ELOVL2: variants seen among roughly 807,000 people sequenced by gnomAD.
The protein encoded by ELOVL2 is ELOVL fatty acid elongase 2.
Under a neutral mutation model 37.7 loss-of-function variants are expected in ELOVL2, and 38 were observed. That is an observed-to-expected ratio of 1.01 (90% CI 0.78 to 1.32). The LOEUF (loss-of-function observed/expected upper bound fraction) is 1.32, where lower values mean the gene tolerates loss of function less well. Among genes scored for constraint, ELOVL2 ranks in the 40% most tolerant of loss-of-function variants. ELOVL2 has a pLI of 0.00. For missense variants in ELOVL2, 352 were observed against 363.6 expected, an observed-to-expected ratio of 0.97 and a Z score of 0.26; for synonymous variants, 115 against 122.3, an observed-to-expected ratio of 0.94 and a Z score of 0.40.
At chr6:11,022,658 A>T (rs896125001) in intron 1 of ELOVL2, among the ~76,000 whole-genome samples, 2 of 152,230 alleles carry the variant, frequency 1.3e-5, no homozygotes, top group Non-Finnish European at 2.9e-5. Context: ...GTGCTTGGTT[A>T]TCAGATATAA....
intron 7 of ELOVL2, among the ~76,000 whole-genome samples, chr6:10,988,016 C>T (rs1049615854): frequency 2.6e-4 from 39 of 152,120 alleles, no homozygotes; most frequent in African/African-American, 9.4e-4. Context: ...CCTACTCTTG[C>T]TGGGCTATAC....
chr6:10,995,074 A>C lies in ELOVL2; in HGVS notation c.438T>G (p.His146Gln), dbSNP rs377540194. 6.2e-7 allele frequency: 1 copy of C among 1,613,434 alleles called. No homozygotes were observed. The highest frequency in any genetic ancestry group is 1.3e-5 in the African/African-American group (1 of 74,946). Residue 146 changes from histidine to glutamine, a missense_variant, in exon 5 of 8, where the codon CAT becomes CAG. Transcript: ENST00000354666. ...RKKTSQITFL[H>Q]VYHHASMFNI... ...TAAACATAGAAGCATGATGATATAC[A>C]TGAAGAAAAGTAATCTGACTCGTTT...
intron 5 of ELOVL2, among the ~76,000 whole-genome samples, chr6:10,990,667 G>GCCCCCCCCCCC (rs372558428): frequency 1.4e-5 from 2 of 143,008 alleles, no homozygotes; most frequent in African/African-American, 5.2e-5. Context: ...TTTTCAGAAT[G>GCCCCCCCCCCC]CCCCCCCCCC....
chr6:10,998,814 C>G (rs922017170), intron 4 of ELOVL2, among the ~76,000 whole-genome samples: 1 of 152,144 alleles, frequency 6.6e-6, no homozygotes, highest in African/African-American at 2.4e-5. Context: ...GCTCGTTGTA[C>G]TGGGTTGTCA....
intron 1 of ELOVL2, among the ~76,000 whole-genome samples, chr6:11,031,961 T>G (rs984161449): frequency 6.6e-6 from 1 of 152,186 alleles, no homozygotes; most frequent in Non-Finnish European, 1.5e-5. Flanking sequence ...AGTTCCCATA[T>G]CTGCACCAGA....
chr6:11,014,755 A>G (rs1035114753), intron 1 of ELOVL2, among the ~76,000 whole-genome samples: 1 of 152,232 alleles, frequency 6.6e-6, no homozygotes. Flanking sequence ...GTTTGTGTTT[A>G]TGTTATCTGA....
chr6:11,023,354 GTGGTATCCTT>G, intron 1 of ELOVL2, among the ~76,000 whole-genome samples: 1 of 152,354 alleles, frequency 6.6e-6, no homozygotes, highest in East Asian at 1.9e-4. Flanking sequence ...GCATGTACAA[GTGGTATCCTT>G]TTGAATATGA....
chr6:10,986,465 G>GT (rs1229174118), intron 7 of ELOVL2, among the ~76,000 whole-genome samples: 1 of 151,944 alleles, frequency 6.6e-6, no homozygotes, highest in Non-Finnish European at 1.5e-5. Flanking sequence ...TGCCCATTCA[G>GT]TATGATATTG....
At chr6:10,990,669 C>A (rs944428042) in intron 5 of ELOVL2, among the ~76,000 whole-genome samples, 2 of 121,804 alleles carry the variant, frequency 1.6e-5, no homozygotes, top group African/African-American at 6.4e-5. Context: ...TTCAGAATGC[C>A]CCCCCCCCGC....
At chr6:11,043,937 G>A (rs1783160938) in intron 1 of ELOVL2, 1 of 290,096 alleles carries the variant, frequency 3.4e-6, no homozygotes, top group Non-Finnish European at 6.4e-6. Context: ...TGCAACAGGG[G>A]ACTGGGCGCG....
In ELOVL2 at chr6:10,994,239, G is replaced by C. The variant is rs180987514; in HGVS notation, c.505+768C>G. ...CCCACCACTTTAGGAGGCTGAGGCG[G>C]GTGGATTGCCTGAGATCAGAAGTTC... On this transcript the variant is annotated intron_variant, in intron 5 of 7. Transcript: ENST00000354666. Among the ~76,000 whole-genome samples the C allele has an allele frequency of 5.4e-3, 818 of 152,140 alleles. 6 individuals carry two copies. The highest frequency in any genetic ancestry group is 8.7e-3 in the Non-Finnish European group (594 of 67,976).
intron 1 of ELOVL2, among the ~76,000 whole-genome samples, chr6:11,019,306 T>A (rs2113537435): frequency 6.6e-6 from 1 of 152,328 alleles, no homozygotes; most frequent in East Asian, 1.9e-4. Context: ...AATATAGACA[T>A]TTTTTCCCTC....
chr6:11,014,048 T>C (rs1293838430), intron 1 of ELOVL2, among the ~76,000 whole-genome samples: 1 of 152,176 alleles, frequency 6.6e-6, no homozygotes, highest in African/African-American at 2.4e-5. Context: ...TGACTTGGAA[T>C]TCAATTTGTG....
At chr6:11,043,010 G>A (rs1316863591) in intron 1 of ELOVL2, among the ~76,000 whole-genome samples, 1 of 152,116 alleles carries the variant, frequency 6.6e-6, no homozygotes, top group African/African-American at 2.4e-5. Context: ...TATGCAGTAC[G>A]CTAACTAATA....
chr6:11,042,832 C>A lies in ELOVL2; in HGVS notation c.3+1396G>T, dbSNP rs148386477. On this transcript the variant is annotated intron_variant, in intron 1 of 7. Coordinates refer to ENST00000354666, the MANE Select transcript of ELOVL2 (RefSeq NM_017770.4). ...CTGTGCATTAACATAAAGCAGCTTGCTTTATTGGGTTAATTCAAAAGAGTT... is the reference window on the plus strand; with the variant it reads ...CTGTGCATTAACATAAAGCAGCTTGATTTATTGGGTTAATTCAAAAGAGTT... Among the ~76,000 whole-genome samples the A allele has an allele frequency of 7.9e-5, 12 of 152,110 alleles. 1 individual carries two copies. The highest frequency in any genetic ancestry group is 1.2e-4 in the Non-Finnish European group (8 of 68,032).
At chr6:11,020,709 G>GC (rs1782753583) in intron 1 of ELOVL2, among the ~76,000 whole-genome samples, 3 of 152,204 alleles carry the variant, frequency 2.0e-5, no homozygotes, top group Admixed American at 6.5e-5. Context: ...GCAGTAGTCT[G>GC]TCCTAAGTGC....
rs1424414349 is a variant in ELOVL2 at position 10,989,729 on chromosome 6, T to A, written c.739A>T (p.Ile247Phe). 1 of 1,613,770 alleles carries A rather than the reference T, an allele frequency of 6.2e-7. No individual in the cohort carries two copies. The highest frequency in any genetic ancestry group is 8.5e-7 in the Non-Finnish European group (1 of 1,179,912). Reference protein sequence around the residue: ...FQSSYMLTLVILFLNFYVQTY... With the variant: ...FQSSYMLTLVFLFLNFYVQTY... The stretch of plus-strand genomic sequence containing the variant: ...TGAACGTAAAAATTTAAGAAGAGGA[T>A]GACTAACGTTAGCATATAAGATGAC... The change falls in exon 7 of 8, where the codon ATC (isoleucine) becomes TTC (phenylalanine). Residue 247 changes from isoleucine (I) to phenylalanine (F), a missense_variant. Physicochemically the swap from Ile to Phe is conservative, Grantham distance 21. Transcript: ENST00000354666.
At chr6:11,010,703 TC>T (rs1561721382) in intron 2 of ELOVL2, 42 bp downstream of exon 2, 1 of 1,453,160 alleles carries the variant, frequency 6.9e-7, no homozygotes. Flanking sequence ...ATGGTGTTCT[TC>T]CTGTGTTCCT....
intron 5 of ELOVL2, among the ~76,000 whole-genome samples, chr6:10,991,887 C>A (rs1018741602): frequency 1.3e-5 from 2 of 152,114 alleles, no homozygotes; most frequent in African/African-American, 4.8e-5. Context: ...CACTGTGATA[C>A]AGATTAAGGC....
Sources: gnomAD v4.1 joint callset for allele counts (sites outside exome capture counted in the v4.1 genomes callset) on GRCh38, gnomAD v4.1.1 for gene constraint, MANE v1.5 for transcripts, NCBI Gene and HGNC (gene_info 2026-07-23, HGNC 2026-07-21) for gene names.